The following RNF150 variants were observed in gnomAD, a reference collection of about 807,000 sequenced individuals.
RNF150 encodes the protein ring finger protein 150.
A neutral mutation model predicts 39.3 loss-of-function variants in RNF150; 24 were observed. That is an observed-to-expected ratio of 0.61 (90% CI 0.44 to 0.86). The LOEUF is 0.86. RNF150 is among the 40% of genes least tolerant of loss of function. The pLI, the probability that RNF150 is intolerant of heterozygous loss-of-function variation, is 0.00. For synonymous variants in RNF150, 255 were observed against 227.3 expected, an observed-to-expected ratio of 1.12 and a Z score of -1.10; for missense variants, 502 against 587.8, an observed-to-expected ratio of 0.85 and a Z score of 1.51.
intron 1 of RNF150, among the ~76,000 whole-genome samples, chr4:141,076,081 T>C (rs1159084433): frequency 6.6e-6 from 1 of 152,236 alleles, no homozygotes; most frequent in African/African-American, 2.4e-5. Flanking sequence ...AAACATTACA[T>C]ATCTTTTATA....
intron 1 of RNF150, among the ~76,000 whole-genome samples, chr4:141,163,714 C>A (rs1281649215): frequency 6.6e-6 from 1 of 152,134 alleles, no homozygotes; most frequent in Non-Finnish European, 1.5e-5. Flanking sequence ...GAATAGGGGT[C>A]TGACTGTTAG....
intron 5 of RNF150, among the ~76,000 whole-genome samples, chr4:140,913,765 G>T (rs556284903): frequency 1.3e-5 from 2 of 152,326 alleles, no homozygotes; most frequent in South Asian, 4.1e-4. Flanking sequence ...CACTGACAAT[G>T]ACTAGGTGCT....
At chr4:140,876,587 C>T (rs1729163298) in intron 6 of RNF150, among the ~76,000 whole-genome samples, 1 of 152,230 alleles carries the variant, frequency 6.6e-6, no homozygotes, top group South Asian at 2.1e-4. Flanking sequence ...CTCCTTCCTA[C>T]ATGCCAGGCA....
chr4:141,030,267 A>G (rs929128057), intron 1 of RNF150, among the ~76,000 whole-genome samples: 3 of 123,718 alleles, frequency 2.4e-5, no homozygotes, highest in African/African-American at 8.9e-5. Context: ...CCTCATACCC[A>G]TTATAATGGC....
intron 1 of RNF150, among the ~76,000 whole-genome samples, chr4:140,983,955 G>A (rs1733941778): frequency 6.6e-6 from 1 of 151,866 alleles, no homozygotes; most frequent in Admixed American, 6.6e-5. Flanking sequence ...GGCTAGGCTG[G>A]TCCTGAGGTC....
intron 1 of RNF150, among the ~76,000 whole-genome samples, chr4:141,029,526 C>G (rs1735843866): frequency 6.6e-6 from 1 of 152,124 alleles, no homozygotes; most frequent in Non-Finnish European, 1.5e-5. Context: ...CTTTAGTGTA[C>G]AAACAAGTTG....
At chr4:140,952,520 C>A (rs541399349) in intron 2 of RNF150, among the ~76,000 whole-genome samples, 1 of 152,166 alleles carries the variant, frequency 6.6e-6, no homozygotes, top group South Asian at 2.1e-4. Flanking sequence ...TTGAAAACAT[C>A]CGCTCAGTCT....
At chr4:141,149,960 A>G (rs1727269792) in intron 1 of RNF150, among the ~76,000 whole-genome samples, 1 of 152,170 alleles carries the variant, frequency 6.6e-6, no homozygotes, top group South Asian at 2.1e-4. Context: ...TCGCTTTTGG[A>G]CCAGCATTTC....
intron 1 of RNF150, among the ~76,000 whole-genome samples, chr4:141,027,615 TC>T (rs1229415694): frequency 2.0e-5 from 3 of 152,158 alleles, no homozygotes; most frequent in Non-Finnish European, 4.4e-5. Flanking sequence ...ATGTGCCACT[TC>T]CCAGTCTGGC....
chr4:141,034,139 C>T (rs1736055694), intron 1 of RNF150, among the ~76,000 whole-genome samples: 1 of 152,174 alleles, frequency 6.6e-6, no homozygotes, highest in African/African-American at 2.4e-5. Flanking sequence ...TTTAGTGAAG[C>T]CCCCTTCAAT....
At chr4:141,113,734 T>A (rs1449289107) in intron 1 of RNF150, among the ~76,000 whole-genome samples, 1 of 152,118 alleles carries the variant, frequency 6.6e-6, no homozygotes, top group Non-Finnish European at 1.5e-5. Flanking sequence ...CTGCACCACA[T>A]TGCACTTATT....
chr4:141,078,629 CAA>C (rs564217554), intron 1 of RNF150, among the ~76,000 whole-genome samples: 169 of 141,636 alleles, frequency 1.2e-3, no homozygotes, highest in African/African-American at 4.1e-3. Context: ...AAAATACAAA[CAA>C]AAAAAAAAAT....
chr4:141,003,659 G>A (rs983708084), intron 1 of RNF150, among the ~76,000 whole-genome samples: 6 of 151,916 alleles, frequency 3.9e-5, no homozygotes, highest in Non-Finnish European at 7.4e-5. Flanking sequence ...GGGAAGGGGA[G>A]GAAAGTCATA....
chr4:140,920,018 T>C (rs1332739425), intron 5 of RNF150, among the ~76,000 whole-genome samples: 49 of 151,968 alleles, frequency 3.2e-4, no homozygotes, highest in Non-Finnish European at 5.7e-4. Flanking sequence ...CTTCCTTACG[T>C]CGTATACAAA....
At chr4:141,105,364 A>G (rs758899384) in intron 1 of RNF150, among the ~76,000 whole-genome samples, 53 of 152,222 alleles carry the variant, frequency 3.5e-4, no homozygotes, top group Non-Finnish European at 6.2e-4. Flanking sequence ...TTACAAGTCA[A>G]ATCCAGCACC....
rs781564005 is a variant in RNF150, at chr4:141,132,584, C to G, written c.225G>C (p.Gly75=). 1 of 1,574,262 alleles carries G rather than the reference C, an allele frequency of 6.4e-7. No homozygotes were observed. Among genetic ancestry groups the G allele is most frequent in the Non-Finnish European group, 8.6e-7 (1 of 1,160,700 alleles). Residue 75 remains glycine (G), a synonymous_variant, in exon 1 of 7, where the codon GGG becomes GGC. Coordinates refer to ENST00000515673, the MANE Select transcript of RNF150 (RefSeq NM_020724.2). The surrounding 1 kb of genome is among the most constrained non-coding windows in gnomAD (Gnocchi z 4.9). The part of the protein sequence containing the change: ...AELHTEKTEC[G]RYGEHSPKQD... Reference sequence around the variant, plus strand: ...GCTTGGGCGAGTGCTCTCCGTAGCGCCCGCACTCCGTCTTCTCCGTGTGCA... The same window carrying G: ...GCTTGGGCGAGTGCTCTCCGTAGCGGCCGCACTCCGTCTTCTCCGTGTGCA...
chr4:141,132,738 A>G lies in RNF150; in HGVS notation c.71T>C (p.Val24Ala). Residue 24 changes from valine (V) to alanine (A), a missense_variant, in exon 1 of 7, where the codon GTG becomes GCG. Transcript: ENST00000515673. This position sits in a 1 kb window ranked among gnomAD's most constrained non-coding sequence, Gnocchi z 4.9. ...LSTWLLSFCF[V>A]HLLCLDFTVA... The stretch of plus-strand genomic sequence containing the variant: ...GGTAAAGTCCAGGCAGAGCAGATGC[A>G]CGAAACAAAAGGAAAGCAGCCATGT... The G allele has an allele frequency of 6.2e-7, 1 of 1,610,614 alleles. No individual in the cohort carries two copies. Among genetic ancestry groups the G allele is most frequent in the East Asian group, 2.2e-5 (1 of 44,614 alleles).
chr4:141,000,087 G>GAGAAGAAGAAGAAGAAGAAGAAGGAGA (rs138129349), intron 1 of RNF150, among the ~76,000 whole-genome samples: 2 of 35,902 alleles, frequency 5.6e-5, no homozygotes, highest in Non-Finnish European at 1.1e-4. Context: ...GAAGAAGAAG[G>GAGAAGAAGAAGAAGAAGAAGAAGGAGA]AGAAGAAGAA....
At chr4:140,990,583 A>C (rs1056175230) in intron 1 of RNF150, among the ~76,000 whole-genome samples, 1 of 152,184 alleles carries the variant, frequency 6.6e-6, no homozygotes, top group African/African-American at 2.4e-5. Flanking sequence ...GAGAACATGC[A>C]GTGTTTGGTT....
Sources: gnomAD v4.1 joint callset for allele counts (sites outside exome capture counted in the v4.1 genomes callset) on GRCh38, gnomAD v4.1.1 for gene constraint, Gnocchi (gnomAD v3.1) non-coding constraint, MANE v1.5 for transcripts, NCBI Gene and HGNC (gene_info 2026-07-23, HGNC 2026-07-21) for gene names.